LAMA2: variants seen among roughly 807,000 people sequenced by gnomAD.
The protein encoded by LAMA2 is laminin subunit alpha 2.
Under a neutral mutation model 364.8 loss-of-function variants are expected in LAMA2, and 269 were observed. That is an observed-to-expected ratio of 0.74 (90% CI 0.67 to 0.82). LAMA2 has a LOEUF of 0.82. Among genes scored for constraint, LAMA2 ranks in the 40% least tolerant of loss-of-function variants. The pLI is 0.00. For synonymous variants in LAMA2, 1,379 were observed against 1,370.6 expected, an observed-to-expected ratio of 1.01 and a Z score of -0.14; for missense variants, 3,807 against 3,873.2, an observed-to-expected ratio of 0.98 and a Z score of 0.45.
intron 51 of LAMA2, among the ~76,000 whole-genome samples, chr6:129,470,997 T>A (rs1043896269): frequency 1.3e-5 from 2 of 151,784 alleles, no homozygotes; most frequent in Admixed American, 1.3e-4. Context: ...TTTCAGTGGA[T>A]CAAGAAAGAG....
At position 129,133,884 on chromosome 6, in the gene LAMA2, G is replaced by A. The variant is rs1044682222; in HGVS notation, c.640-10017G>A. 8.0e-5 allele frequency among the ~76,000 whole-genome samples: 12 copies of A among 150,790 alleles called. No individual in the cohort carries two copies. In the East Asian group the frequency reaches 9.7e-4, roughly 12 times the overall value. On this transcript the variant is annotated intron_variant, in intron 4 of 64. Coordinates refer to ENST00000421865, the MANE Select transcript of LAMA2 (RefSeq NM_000426.4). ...GACAATTCAACACACACACACACAC[G>A]CGCACACACAATTCAACTTTTCTCT...
At chr6:129,494,987 ATGAC>A (rs1785082405) in intron 58 of LAMA2, among the ~76,000 whole-genome samples, 1 of 152,242 alleles carries the variant, frequency 6.6e-6, no homozygotes, top group Non-Finnish European at 1.5e-5. Flanking sequence ...TAATTTCTAA[ATGAC>A]TAACTTAAAA....
At chr6:128,959,283 C>T (rs1246717917) in intron 1 of LAMA2, among the ~76,000 whole-genome samples, 1 of 152,072 alleles carries the variant, frequency 6.6e-6, no homozygotes, top group Admixed American at 6.6e-5. Context: ...GTTAAGAAAA[C>T]CATCCTGATG....
At chr6:129,035,770 T>G (rs1476994232) in intron 1 of LAMA2, among the ~76,000 whole-genome samples, 1 of 152,088 alleles carries the variant, frequency 6.6e-6, no homozygotes, top group African/African-American at 2.4e-5. Context: ...TTATTGACTT[T>G]GTCGAAGATT....
At position 129,486,488 on chromosome 6, in the gene LAMA2, ACTC is replaced by A; in HGVS notation, c.7768_7770del (p.Leu2590del). On this transcript the variant is annotated inframe_deletion, in exon 56 of 65. Transcript: ENST00000421865. The stretch of plus-strand genomic sequence containing the variant: ...TGCTGTTGCAGGCCTATTATGCAAT[ACTC>A]CTCAACAGGGGCCGTCTGGAAGTGC... 6.2e-7 allele frequency: 1 copy of A among 1,613,652 alleles called. No individual in the cohort carries two copies. The highest frequency in any genetic ancestry group is 8.5e-7 in the Non-Finnish European group (1 of 1,179,760).
At chr6:128,901,435 G>T (rs1473410361) in intron 1 of LAMA2, among the ~76,000 whole-genome samples, 2 of 152,108 alleles carry the variant, frequency 1.3e-5, no homozygotes, top group Non-Finnish European at 2.9e-5. Flanking sequence ...TTCATTTTAA[G>T]AAATGATCCC....
At chr6:129,031,085 A>C (rs1266270685) in intron 1 of LAMA2, among the ~76,000 whole-genome samples, 1 of 152,194 alleles carries the variant, frequency 6.6e-6, no homozygotes, top group Non-Finnish European at 1.5e-5. Context: ...TTACAAGAGG[A>C]AACAGAATAT....
intron 1 of LAMA2, among the ~76,000 whole-genome samples, chr6:128,883,793 T>TACACACAC (rs1412752568): frequency 1.6e-5 from 2 of 125,768 alleles, no homozygotes; most frequent in African/African-American, 8.6e-5. Context: ...AAATTATATA[T>TACACACAC]ATATATATAC....
intron 10 of LAMA2, among the ~76,000 whole-genome samples, chr6:129,182,108 T>C (rs912854516): frequency 6.6e-5 from 10 of 151,678 alleles, no homozygotes; most frequent in African/African-American, 1.9e-4. Flanking sequence ...AAATAAAAAA[T>C]GTAATAAAAA....
intron 12 of LAMA2, among the ~76,000 whole-genome samples, chr6:129,223,302 C>T (rs908662445): frequency 1.3e-5 from 2 of 151,936 alleles, no homozygotes; most frequent in African/African-American, 4.8e-5. Context: ...TGCCTGTTCA[C>T]TCTGATGGTA....
intron 34 of LAMA2, among the ~76,000 whole-genome samples, chr6:129,371,946 GTCTCAACCTATAC>G: frequency 6.6e-6 from 1 of 152,144 alleles, no homozygotes; most frequent in African/African-American, 2.4e-5. Flanking sequence ...TCTTTATTAT[GTCTCAACCTATAC>G]TCTTTACCCT....
intron 3 of LAMA2, among the ~76,000 whole-genome samples, chr6:129,072,460 A>G (rs1773379553): frequency 6.6e-6 from 1 of 152,042 alleles, no homozygotes; most frequent in Non-Finnish European, 1.5e-5. Flanking sequence ...TTTAAGGTGT[A>G]TCTTCTGTGA....
intron 40 of LAMA2, among the ~76,000 whole-genome samples, chr6:129,410,088 A>G (rs1422556528): frequency 6.6e-6 from 1 of 152,168 alleles, no homozygotes; most frequent in Admixed American, 6.5e-5. Flanking sequence ...GTGCTTTTCA[A>G]TCAGGTATAT....
chr6:129,016,565 AG>A (rs1462128587), intron 1 of LAMA2, among the ~76,000 whole-genome samples: 1 of 151,958 alleles, frequency 6.6e-6, no homozygotes, highest in Admixed American at 6.6e-5. Flanking sequence ...CTTAAGGAAA[AG>A]AAATTAGACA....
intron 9 of LAMA2, among the ~76,000 whole-genome samples, chr6:129,167,105 T>A (rs1482613987): frequency 6.6e-6 from 1 of 152,164 alleles, no homozygotes; most frequent in African/African-American, 2.4e-5. Flanking sequence ...TTCAACCTAT[T>A]TATCCCAGTC....
intron 28 of LAMA2, among the ~76,000 whole-genome samples, chr6:129,321,401 G>A (rs1280187934): frequency 6.6e-6 from 1 of 152,094 alleles, no homozygotes; most frequent in Admixed American, 6.6e-5. Context: ...GCTTTAGCAG[G>A]TAAACACCAA....
chr6:128,919,239 A>T (rs530788965), intron 1 of LAMA2, among the ~76,000 whole-genome samples: 5 of 152,240 alleles, frequency 3.3e-5, no homozygotes, highest in South Asian at 2.1e-4. Context: ...CTTTGTATGT[A>T]TTTATGTATG....
At chr6:129,009,667 T>A (rs1244308519) in intron 1 of LAMA2, among the ~76,000 whole-genome samples, 1 of 152,200 alleles carries the variant, frequency 6.6e-6, no homozygotes, top group Non-Finnish European at 1.5e-5. Flanking sequence ...ATTCATAGAT[T>A]GCAAATGAGC....
chr6:129,331,464 C>A (rs12213554), intron 29 of LAMA2, among the ~76,000 whole-genome samples: 43,285 of 151,824 alleles, frequency 0.29, 6,590 homozygotes, highest in Non-Finnish European at 0.32. Flanking sequence ...AGAGAGGTAA[C>A]AAGCTCCCAC....
Sources: gnomAD v4.1 joint callset for allele counts (sites outside exome capture counted in the v4.1 genomes callset) on GRCh38, gnomAD v4.1.1 for gene constraint, MANE v1.5 for transcripts, NCBI Gene and HGNC (gene_info 2026-07-23, HGNC 2026-07-21) for gene names.